The following EXOC6 variants were observed in gnomAD, a reference collection of about 807,000 sequenced individuals.
The protein encoded by EXOC6 is exocyst complex component 6.
In EXOC6, 60 loss-of-function variants were observed where a neutral mutation model predicts 112.5. The ratio of observed to expected loss-of-function variants is 0.53; its 90% CI spans 0.43 to 0.66. The LOEUF (loss-of-function observed/expected upper bound fraction) is 0.66, where lower values mean the gene tolerates loss of function less well. EXOC6 is among the 30% of genes least tolerant of loss of function. The pLI is 0.00. For missense variants in EXOC6, 855 were observed against 957.1 expected (o/e 0.89, Z 1.41); for synonymous variants, 295 against 308.0 (o/e 0.96, Z 0.44).
intron 9 of EXOC6, among the ~76,000 whole-genome samples, chr10:92,933,270 A>G (rs1227116642): frequency 6.6e-6 from 1 of 152,168 alleles, no homozygotes; most frequent in Non-Finnish European, 1.5e-5. Flanking sequence ...CTTCTAAACC[A>G]AGTAGACATA....
At chr10:92,860,410 T>C (rs1204376302) in intron 1 of EXOC6, among the ~76,000 whole-genome samples, 1 of 151,810 alleles carries the variant, frequency 6.6e-6, no homozygotes, top group African/African-American at 2.4e-5. Context: ...GTAGCTGGCA[T>C]GCACCACCAT....
chr10:92,875,209 A>G (rs931611581), intron 1 of EXOC6, among the ~76,000 whole-genome samples: 2 of 152,186 alleles, frequency 1.3e-5, no homozygotes, highest in Non-Finnish European at 2.9e-5. Flanking sequence ...AACTGTTTGA[A>G]TTATGCACAA....
rs556964799 is a variant in EXOC6 at position 92,884,248 on chromosome 10, G to A, written c.102-9101G>A. 5.4e-4 allele frequency among the ~76,000 whole-genome samples: 82 copies of A among 152,276 alleles called. No homozygotes were observed. In the Middle Eastern group the frequency reaches 0.01, roughly 19 times the overall value. On this transcript the variant is annotated intron_variant, in intron 1 of 21. Coordinates refer to ENST00000260762, the MANE Select transcript of EXOC6 (RefSeq NM_019053.6). ...TTTGTAGAAAGCTTTGACACCAAAA[G>A]GTGTCAGTTGACACAAGCAGTGTCA...
At chr10:92,988,521 A>G (rs963458251) in intron 18 of EXOC6, among the ~76,000 whole-genome samples, 5 of 152,118 alleles carry the variant, frequency 3.3e-5, no homozygotes, top group Non-Finnish European at 7.4e-5. Flanking sequence ...AGTCCATCCT[A>G]TATACCAGTG....
intron 1 of EXOC6, among the ~76,000 whole-genome samples, chr10:92,886,757 T>C (rs1255688032): frequency 3.9e-5 from 6 of 152,214 alleles, no homozygotes; most frequent in African/African-American, 1.4e-4. Flanking sequence ...CAGAAGTATG[T>C]CTGGAATAGC....
Position 92,835,773 on chromosome 10 carries a change from C to T in EXOC6, c.86+949C>T, listed in dbSNP as rs571959112. On this transcript the variant is annotated intron_variant, in intron 1 of 21. Coordinates refer to the EXOC6 transcript ENST00000371552. Reference sequence around the variant, plus strand: ...AGGGTAGTGTTAGGGACATGGTAAACAATTGAGATTTGTTGGTTGATTCTT... The same window carrying T: ...AGGGTAGTGTTAGGGACATGGTAAATAATTGAGATTTGTTGGTTGATTCTT... Among the ~76,000 whole-genome samples the T allele has an allele frequency of 2.0e-5, 3 of 152,260 alleles. No individual in the cohort carries two copies. In the South Asian group the frequency reaches 6.2e-4, roughly 32 times the overall value.
intron 13 of EXOC6, among the ~76,000 whole-genome samples, chr10:92,941,624 CA>C (rs1285430099): frequency 6.6e-6 from 1 of 151,950 alleles, no homozygotes; most frequent in African/African-American, 2.4e-5. Flanking sequence ...TATAAGTATT[CA>C]AAGATATTTT....
chr10:92,984,991 C>T (rs1842949529), intron 18 of EXOC6, among the ~76,000 whole-genome samples: 1 of 150,932 alleles, frequency 6.6e-6, no homozygotes, highest in African/African-American at 2.5e-5. Flanking sequence ...AGAGCAAGAC[C>T]TTGTCTCAAA....
At chr10:93,005,341 A>G (rs1449527990) in intron 19 of EXOC6, among the ~76,000 whole-genome samples, 2 of 152,170 alleles carry the variant, frequency 1.3e-5, no homozygotes, top group African/African-American at 4.8e-5. Flanking sequence ...TGAACCTTTG[A>G]TCTTAGTATA....
At chr10:92,947,675 C>T (rs1347232436) in intron 13 of EXOC6, among the ~76,000 whole-genome samples, 1 of 152,080 alleles carries the variant, frequency 6.6e-6, no homozygotes, top group South Asian at 2.1e-4. Context: ...TTTAGGAGGC[C>T]GAGGCAGGCA....
At chr10:93,034,063 ATAT>A (rs1431944451) in intron 20 of EXOC6, among the ~76,000 whole-genome samples, 5 of 152,234 alleles carry the variant, frequency 3.3e-5, no homozygotes, top group African/African-American at 9.6e-5. Context: ...TTTCAACTAT[ATAT>A]ATTAACAATG....
chr10:92,908,255 A>G (rs1025181955), intron 5 of EXOC6, among the ~76,000 whole-genome samples: 1 of 151,642 alleles, frequency 6.6e-6, no homozygotes, highest in Non-Finnish European at 1.5e-5. Flanking sequence ...GAGTTTCACC[A>G]CATTGGCCAG....
At chr10:93,050,560 C>A (rs1190443496) in intron 20 of EXOC6, among the ~76,000 whole-genome samples, 1 of 151,656 alleles carries the variant, frequency 6.6e-6, no homozygotes, top group Non-Finnish European at 1.5e-5. Context: ...GAGTTTGAGA[C>A]CAGCCTGACC....
At chr10:92,831,300 G>T, upstream of EXOC6, 1 of 1,288,470 alleles carries the variant, frequency 7.8e-7, no homozygotes, top group Non-Finnish European at 1.0e-6. Flanking sequence ...AGGCTGAGCC[G>T]GCTGTACCGG....
chr10:92,930,009 C>G (rs1851940880), intron 9 of EXOC6, among the ~76,000 whole-genome samples: 1 of 152,140 alleles, frequency 6.6e-6, no homozygotes, highest in Admixed American at 6.5e-5. Flanking sequence ...AAGAAATACA[C>G]TCTTAGAAAC....
chr10:92,837,407 A>C (rs1292911609), intron 1 of EXOC6, among the ~76,000 whole-genome samples: 1 of 152,232 alleles, frequency 6.6e-6, no homozygotes, highest in Non-Finnish European at 1.5e-5. Context: ...GCAGTGGCTC[A>C]TGCCTGTAAT....
At chr10:92,847,101 C>T (rs1349003784), upstream of EXOC6, among the ~76,000 whole-genome samples, 1 of 152,192 alleles carries the variant, frequency 6.6e-6, no homozygotes, top group African/African-American at 2.4e-5. Context: ...CATGCTGACA[C>T]CTTGATTTTT....
intron 5 of EXOC6, among the ~76,000 whole-genome samples, chr10:92,907,050 T>C (rs2133863079): frequency 6.6e-6 from 1 of 152,344 alleles, no homozygotes; most frequent in East Asian, 1.9e-4. Context: ...ACTTCTGCTC[T>C]CTGCCTAAAA....
At chr10:93,033,718 G>T (rs1241050903) in intron 20 of EXOC6, among the ~76,000 whole-genome samples, 1 of 150,926 alleles carries the variant, frequency 6.6e-6, no homozygotes, top group African/African-American at 2.5e-5. Flanking sequence ...GGTAGATTTT[G>T]ATTTATTTGC....
Sources: gnomAD v4.1 joint callset for allele counts (sites outside exome capture counted in the v4.1 genomes callset) on GRCh38, gnomAD v4.1.1 for gene constraint, MANE v1.5 for transcripts, NCBI Gene and HGNC (gene_info 2026-07-23, HGNC 2026-07-21) for gene names.